Variants in SMARCAD1 observed in about 807,000 individuals in gnomAD.
SMARCAD1 encodes SNF2 related chromatin remodeling ATPase with DExD box 1.
A neutral mutation model predicts 127.1 loss-of-function variants in SMARCAD1; 25 were observed. The observed-to-expected ratio is 0.20, with a 90% confidence interval of 0.14 to 0.27. The LOEUF (loss-of-function observed/expected upper bound fraction) is 0.27, where lower values mean the gene tolerates loss of function less well. SMARCAD1 is among the 10% of genes least tolerant of loss of function. SMARCAD1 has a pLI of 1.00. For missense variants in SMARCAD1, 807 were observed against 1,206.0 expected, an observed-to-expected ratio of 0.67 and a Z score of 4.90; for synonymous variants, 400 against 396.9, an observed-to-expected ratio of 1.01 and a Z score of -0.09.
At position 94,245,074 on chromosome 4, in the gene SMARCAD1, T is replaced by C. The variant is rs1358113928; in HGVS notation, c.705+4068T>C. Among the ~76,000 whole-genome samples the C allele has an allele frequency of 9.2e-5, 14 of 152,168 alleles. 1 individual carries two copies. The highest frequency in any genetic ancestry group is 5.2e-4 in the Admixed American group (8 of 15,288). Reference sequence around the variant, plus strand: ...TGTTTGTGTTATGTGTGGCAGAAAATTGCCTTTGACTTGATTCTTTATTTT... The same window carrying C: ...TGTTTGTGTTATGTGTGGCAGAAAACTGCCTTTGACTTGATTCTTTATTTT... On this transcript the variant is annotated intron_variant, in intron 6 of 23. Coordinates refer to ENST00000354268, the MANE Select transcript of SMARCAD1 (RefSeq NM_020159.5).
At chr4:94,248,364 A>T (rs1164861941) in intron 6 of SMARCAD1, 2 of 394,892 alleles carry the variant, frequency 5.1e-6, no homozygotes, top group South Asian at 1.8e-5. Context: ...ACTGAAGTTT[A>T]GTTTTCACTT....
Position 94,221,620 on chromosome 4 carries a change from G to A in SMARCAD1, c.191-4499G>A, listed in dbSNP as rs114029518. ...CATCTTGTATTAAACCAGAGATTTT[G>A]ACAAATATAAAACAGTGTCATCTGA... On this transcript the variant is annotated intron_variant, in intron 2 of 23. Transcript: ENST00000354268. Among the ~76,000 whole-genome samples the A allele has an allele frequency of 2.9e-3, 442 of 152,272 alleles. 2 individuals carry two copies. The highest frequency in any genetic ancestry group is 0.01 in the African/African-American group (421 of 41,558).
chr4:94,261,368 A>G (rs1173520482), intron 9 of SMARCAD1, among the ~76,000 whole-genome samples: 2 of 152,228 alleles, frequency 1.3e-5, no homozygotes, highest in Non-Finnish European at 2.9e-5. Flanking sequence ...CTAACCTTCA[A>G]CAATACAGTA....
chr4:94,242,019 G>T (rs951156122), intron 6 of SMARCAD1, among the ~76,000 whole-genome samples: 3 of 151,788 alleles, frequency 2.0e-5, no homozygotes, highest in Non-Finnish European at 4.4e-5. Flanking sequence ...CTATTCTCAG[G>T]ATAACTTCTT....
chr4:94,238,772 A>G (rs1284025162), intron 5 of SMARCAD1, among the ~76,000 whole-genome samples: 1 of 152,236 alleles, frequency 6.6e-6, no homozygotes, highest in African/African-American at 2.4e-5. Context: ...CATTAAAAAC[A>G]GGTTGTGGAA....
At chr4:94,213,565 A>G (rs1742639600) in intron 2 of SMARCAD1, among the ~76,000 whole-genome samples, 1 of 150,738 alleles carries the variant, frequency 6.6e-6, no homozygotes, top group Admixed American at 6.6e-5. Flanking sequence ...CATTATGGAA[A>G]TGCTATTAGT....
chr4:94,287,653 A>G (rs1187046969), intron 23 of SMARCAD1, among the ~76,000 whole-genome samples: 1 of 152,220 alleles, frequency 6.6e-6, no homozygotes, highest in East Asian at 1.9e-4. Flanking sequence ...TTAACAGGCT[A>G]TTGAAGTGAT....
chr4:94,216,083 G>A (rs1240909742), intron 2 of SMARCAD1, among the ~76,000 whole-genome samples: 1 of 152,020 alleles, frequency 6.6e-6, no homozygotes, highest in East Asian at 1.9e-4. Context: ...GGTATCTCAG[G>A]GCCCTATTCC....
At chr4:94,285,330 C>T (rs919646715) in intron 23 of SMARCAD1, among the ~76,000 whole-genome samples, 17 of 152,148 alleles carry the variant, frequency 1.1e-4, no homozygotes, top group Non-Finnish European at 4.4e-5. Context: ...ACAGACGCCT[C>T]CTAGTCGCCC....
intron 2 of SMARCAD1, among the ~76,000 whole-genome samples, chr4:94,218,910 C>G (rs192418275): frequency 3.4e-4 from 52 of 152,208 alleles, no homozygotes; most frequent in African/African-American, 1.0e-3. Flanking sequence ...CTCCTGGGTT[C>G]AAGCAATTCT....
chr4:94,237,087 A>G, intron 5 of SMARCAD1, 69 bp downstream of exon 5: 2 of 1,206,256 alleles, frequency 1.7e-6, no homozygotes, highest in Non-Finnish European at 2.5e-6. Context: ...CTTCTCATTA[A>G]TATTGCTCCA....
chr4:94,220,189 C>A (rs116362138), intron 2 of SMARCAD1, among the ~76,000 whole-genome samples: 3,143 of 152,256 alleles, frequency 0.021, 102 homozygotes, highest in African/African-American at 0.071. Context: ...TATTCTAATT[C>A]TGATTATTGA....
At chr4:94,211,718 C>A (rs1560507280) in intron 2 of SMARCAD1, among the ~76,000 whole-genome samples, 1 of 152,162 alleles carries the variant, frequency 6.6e-6, no homozygotes, top group Non-Finnish European at 1.5e-5. Flanking sequence ...TTGAATCTTT[C>A]AAGCAAGGTC....
At chr4:94,284,188 G>A (rs1269816507) in intron 22 of SMARCAD1, among the ~76,000 whole-genome samples, 37 of 150,594 alleles carry the variant, frequency 2.5e-4, no homozygotes, top group Non-Finnish European at 3.0e-5. Context: ...TTAGCCAGGC[G>A]TGGTGGCAGG....
intron 2 of SMARCAD1, among the ~76,000 whole-genome samples, chr4:94,218,239 A>G (rs962737561): frequency 5.3e-5 from 8 of 151,984 alleles, no homozygotes; most frequent in Non-Finnish European, 8.8e-5. Context: ...TTCAGTGTTA[A>G]TTGCATGACT....
intron 18 of SMARCAD1, 95 bp downstream of exon 18, chr4:94,278,828 A>G (rs1753640602): frequency 1.2e-6 from 2 of 1,600,816 alleles, no homozygotes; most frequent in Non-Finnish European, 1.7e-6. Context: ...CATTTTAAAA[A>G]ATTATCTGGA....
chr4:94,276,999 A>G (rs1205183889), intron 15 of SMARCAD1, 23 bp from the exon 16 acceptor site: 1 of 1,613,800 alleles, frequency 6.2e-7, no homozygotes, highest in South Asian at 1.1e-5. Context: ...AAAAGCTAAT[A>G]TAAATTTTAC....
chr4:94,226,238 C>T lies in SMARCAD1; in HGVS notation c.310C>T (p.Pro104Ser), dbSNP rs1744961721. Residue 104 changes from proline to serine, a missense_variant, in exon 3 of 24, where the codon CCA becomes TCA. By Grantham distance (74) the Pro-to-Ser change is moderately conservative. Around this residue, in one of 8 missense-constraint regions of SMARCAD1, gnomAD observed 175 missense variants for 169.5 expected, o/e 1.03. Coordinates refer to ENST00000354268, the MANE Select transcript of SMARCAD1 (RefSeq NM_020159.5). ...LSSDSEDVVS[P>S]NCSNTVQEKT... ...TTCTGATAGTGAAGATGTCGTTTCC[C>T]CAAATTGCTCCAATACAGTTCAAGA... The T allele has an allele frequency of 6.2e-7, 1 of 1,613,230 alleles. No individual in the cohort carries two copies. Among genetic ancestry groups the T allele is most frequent in the Non-Finnish European group, 8.5e-7 (1 of 1,179,552 alleles).
At chr4:94,214,271 T>TTG (rs959545811) in intron 2 of SMARCAD1, among the ~76,000 whole-genome samples, 3 of 150,912 alleles carry the variant, frequency 2.0e-5, no homozygotes, top group African/African-American at 7.3e-5. Flanking sequence ...TTTTGTTTTT[T>TTG]TTTTTTTTTT....
Sources: allele counts gnomAD v4.1 joint callset (sites outside exome capture counted in the v4.1 genomes callset), GRCh38; gene constraint gnomAD v4.1.1; regional missense constraint gnomAD v4.1.1; transcripts MANE v1.5; gene names NCBI Gene and HGNC (gene_info 2026-07-23, HGNC 2026-07-21).